Variants in ACOT12 observed in about 807,000 individuals in gnomAD.
ACOT12 encodes the protein acetyl-coenzyme A thioesterase.
ACOT12 carries 51 observed loss-of-function variants against 67.7 expected under a neutral mutation model. The observed-to-expected ratio is 0.75, with a 90% CI of 0.60 to 0.95. The LOEUF (loss-of-function observed/expected upper bound fraction) is 0.95, where lower values mean the gene tolerates loss of function less well. Among genes scored for constraint, ACOT12 ranks in the 40% least tolerant of loss-of-function variants. The pLI is 0.00. For synonymous variants in ACOT12, 251 were observed against 244.6 expected, an observed-to-expected ratio of 1.03 and a Z score of -0.24; for missense variants, 734 against 708.1, an observed-to-expected ratio of 1.04 and a Z score of -0.41.
the ACOT12 span, among the ~76,000 whole-genome samples, chr5:81,319,012 T>C: frequency 6.6e-6 from 1 of 152,126 alleles, no homozygotes; most frequent in Non-Finnish European, 1.5e-5. Flanking sequence ...GTGAGATTGC[T>C]GATTTTCAAA....
chr5:81,356,050 C>A (rs963948819), intron 5 of ACOT12, among the ~76,000 whole-genome samples: 1 of 152,154 alleles, frequency 6.6e-6, no homozygotes, highest in Non-Finnish European at 1.5e-5. Context: ...CTACTTCCCT[C>A]CCCACCCCCC....
Position 81,394,134 on chromosome 5 carries a change from C to A in ACOT12, c.-20G>T, listed in dbSNP as rs13178695. 376,183 of 1,405,640 alleles carry A rather than the reference C, an allele frequency of 0.27. 56,259 individuals carry two copies. The highest frequency in any genetic ancestry group is 0.63 in the African/African-American group (42,261 of 66,998). 87.1% of individuals were successfully genotyped at this position (1,405,640 alleles called of 1,614,324 possible). On this transcript the variant is annotated 5_prime_UTR_variant, in exon 1 of 15. Transcript: ENST00000307624. Reference sequence around the variant, plus strand: ...CTCCATGGCCAGGGCGAGAGCGCTACGCCTGCGGCCCCCGACACCCCACCA... The same window carrying A: ...CTCCATGGCCAGGGCGAGAGCGCTAAGCCTGCGGCCCCCGACACCCCACCA...
intron 3 of ACOT12, among the ~76,000 whole-genome samples, chr5:81,364,232 G>A (rs1215020907): frequency 1.3e-5 from 2 of 150,180 alleles, no homozygotes; most frequent in Non-Finnish European, 3.0e-5. Flanking sequence ...ATATATAAGT[G>A]TATATGATAT....
chr5:81,313,331 G>GTTT, the ACOT12 span: 12 of 152,134 alleles, frequency 7.9e-5, no homozygotes, highest in Non-Finnish European at 1.3e-4. Flanking sequence ...AGTTAAAATT[G>GTTT]AAATATCTCA....
At chr5:81,352,466 G>A (rs985972275) in intron 5 of ACOT12, among the ~76,000 whole-genome samples, 3 of 152,196 alleles carry the variant, frequency 2.0e-5, no homozygotes, top group African/African-American at 4.8e-5. Flanking sequence ...CAACATGGAT[G>A]GAACTGGAGA....
intron 3 of ACOT12, among the ~76,000 whole-genome samples, chr5:81,365,387 A>G (rs1010873907): frequency 5.9e-5 from 9 of 152,352 alleles, no homozygotes; most frequent in Non-Finnish European, 8.8e-5. Flanking sequence ...TGATTAGCCA[A>G]AATTAAACTA....
chr5:81,330,198 T>A lies in ACOT12; in HGVS notation c.*196A>T, dbSNP rs1758769092. ...AGCCACAGATGACTTACAACAGAAT[T>A]CTAAAGCTCTTTTAATGCTAATCCA... On this transcript the variant is annotated 3_prime_UTR_variant, in exon 15 of 15. Transcript: ENST00000307624. 8.9e-6 allele frequency: 5 copies of A among 558,672 alleles called. No individual in the cohort carries two copies. In the Admixed American group the frequency reaches 1.7e-4, roughly 19 times the overall value. 34.6% of individuals were successfully genotyped at this position (558,672 alleles called of 1,614,324 possible). A position where few individuals can be genotyped will look rare whatever the true frequency, so the allele number is the denominator to read the frequency against.
At chr5:81,323,384 G>A in the ACOT12 span, among the ~76,000 whole-genome samples, 1 of 152,220 alleles carries the variant, frequency 6.6e-6, no homozygotes, top group African/African-American at 2.4e-5. Context: ...GGACTCAGAT[G>A]AAGCAGGTCT....
chr5:81,393,911 A>AC (rs113262451), intron 1 of ACOT12, 77 bp downstream of exon 1: 34,801 of 1,232,794 alleles, frequency 0.028, 1,402 homozygotes, highest in African/African-American at 0.22. Context: ...TCGCCTTCCT[A>AC]CCCCCCCCAG....
At chr5:81,375,145 T>A (rs989043850) in intron 2 of ACOT12, among the ~76,000 whole-genome samples, 1 of 152,240 alleles carries the variant, frequency 6.6e-6, no homozygotes, top group Non-Finnish European at 1.5e-5. Flanking sequence ...CGGATCTCTC[T>A]GCAGAAACCC....
intron 5 of ACOT12, among the ~76,000 whole-genome samples, chr5:81,348,301 T>C (rs1371550076): frequency 6.6e-6 from 1 of 152,218 alleles, no homozygotes; most frequent in African/African-American, 2.4e-5. Context: ...TGTCATTATC[T>C]TGATTGTGGT....
At chr5:81,311,130 G>A in the ACOT12 span, 1 of 1,412,832 alleles carries the variant, frequency 7.1e-7, no homozygotes, top group Non-Finnish European at 1.0e-6. Flanking sequence ...TGAGGATCCA[G>A]TAAGATGTGA....
intron 2 of ACOT12, among the ~76,000 whole-genome samples, chr5:81,372,589 T>C (rs13176170): frequency 0.17 from 25,909 of 152,194 alleles, 2,416 homozygotes; most frequent in Admixed American, 0.22. Context: ...ATCAGCTCTG[T>C]TCTCTTTTCT....
At chr5:81,311,371 C>T in the ACOT12 span, 1 of 1,308,330 alleles carries the variant, frequency 7.6e-7, no homozygotes, top group Non-Finnish European at 1.1e-6. Context: ...AATTGGGATA[C>T]TAATGATTTT....
intron 1 of ACOT12, among the ~76,000 whole-genome samples, chr5:81,391,053 T>A (rs993439012): frequency 4.6e-5 from 7 of 152,262 alleles, no homozygotes; most frequent in Non-Finnish European, 5.9e-5. Context: ...GCAGTTAACC[T>A]GACCAAACCA....
intron 10 of ACOT12, among the ~76,000 whole-genome samples, chr5:81,343,459 T>C (rs964336003): frequency 5.9e-5 from 9 of 152,194 alleles, no homozygotes; most frequent in African/African-American, 2.2e-4. Flanking sequence ...TTACATTTAA[T>C]GGTTAAAAAT....
chr5:81,374,388 CAGCGCAAA>C, intron 2 of ACOT12, among the ~76,000 whole-genome samples: 1 of 152,140 alleles, frequency 6.6e-6, no homozygotes, highest in Non-Finnish European at 1.5e-5. Context: ...GGGGAGAAAA[CAGCGCAAA>C]AAGGCTGAAA....
At chr5:81,362,175 T>A (rs950070607) in intron 4 of ACOT12, among the ~76,000 whole-genome samples, 1 of 151,376 alleles carries the variant, frequency 6.6e-6, no homozygotes, top group Non-Finnish European at 1.5e-5. Flanking sequence ...TTTTTTTTTT[T>A]TTTTTTTGAG....
rs566788323 is a variant in ACOT12 at position 81,347,667 on chromosome 5, C to T, written c.653+107G>A. On this transcript the variant is annotated intron_variant, in intron 6 of 14. Transcript: ENST00000307624. ...TCATTATAAAAGGCAACATTTTCCT[C>T]AGTCCTTTCCTTGACTTCTTGACTA... is the stretch of plus-strand genomic sequence containing the variant. 1.0e-5 allele frequency: 13 copies of T among 1,246,770 alleles called. No individual in the cohort carries two copies. The East Asian group carries it at 2.0e-4, about 19-fold the overall frequency. 77.2% of individuals were successfully genotyped at this position (1,246,770 alleles called of 1,614,324 possible). A position where few individuals can be genotyped will look rare whatever the true frequency, so the allele number is the denominator to read the frequency against.
Sources: allele counts gnomAD v4.1 joint callset (sites outside exome capture counted in the v4.1 genomes callset), GRCh38; gene constraint gnomAD v4.1.1; transcripts MANE v1.5; gene names NCBI Gene and HGNC (gene_info 2026-07-23, HGNC 2026-07-21).